The following FMNL2 variants were observed in gnomAD, a reference collection of about 807,000 sequenced individuals.
The protein encoded by FMNL2 is formin like 2, also known as formin-like protein 2.
Under a neutral mutation model 130.2 loss-of-function variants are expected in FMNL2, and 51 were observed. The observed-to-expected ratio is 0.39, with a 90% CI of 0.31 to 0.49. The LOEUF (loss-of-function observed/expected upper bound fraction) is 0.49, where lower values mean the gene tolerates loss of function less well. Ranked by LOEUF, FMNL2 falls within the 20% of genes least tolerant of loss-of-function variation. FMNL2 has a pLI of 0.85. For missense variants in FMNL2, 977 were observed against 1,316.2 expected, an observed-to-expected ratio of 0.74 and a Z score of 3.99; for synonymous variants, 465 against 467.1, an observed-to-expected ratio of 1.00 and a Z score of 0.06.
At chr2:152,567,187 C>T (rs961855213) in intron 6 of FMNL2, among the ~76,000 whole-genome samples, 2 of 152,018 alleles carry the variant, frequency 1.3e-5, no homozygotes, top group African/African-American at 4.8e-5. Flanking sequence ...TTAATTAGCC[C>T]CCCCAATAGC....
intron 1 of FMNL2, among the ~76,000 whole-genome samples, chr2:152,380,708 T>C (rs1401615263): frequency 1.3e-5 from 2 of 152,234 alleles, no homozygotes; most frequent in Non-Finnish European, 2.9e-5. Flanking sequence ...TTTGAATCAG[T>C]TGAGAAAACT....
intron 9 of FMNL2, among the ~76,000 whole-genome samples, chr2:152,587,921 A>C (rs1697175429): frequency 1.3e-5 from 2 of 152,236 alleles, no homozygotes. Flanking sequence ...TATAAAGGTA[A>C]TTGCAAGATG....
At chr2:152,540,864 G>T (rs990006350) in intron 2 of FMNL2, among the ~76,000 whole-genome samples, 47 of 152,116 alleles carry the variant, frequency 3.1e-4, no homozygotes, top group African/African-American at 1.1e-3. Flanking sequence ...ATAATAATAA[G>T]ATTATCTTTT....
At chr2:152,578,795 T>C in intron 7 of FMNL2, 93 bp from the exon 8 acceptor site, 1 of 901,920 alleles carries the variant, frequency 1.1e-6, no homozygotes, top group Non-Finnish European at 1.7e-6. Context: ...ATTAGGTAGA[T>C]ACTTCGGGTT....
At chr2:152,621,642 C>A (rs969281122) in intron 15 of FMNL2, among the ~76,000 whole-genome samples, 16 of 152,146 alleles carry the variant, frequency 1.1e-4, no homozygotes, top group Non-Finnish European at 1.9e-4. Context: ...ATTATAAGAT[C>A]CTTGTGAGTC....
chr2:152,552,416 T>C (rs1439454981), intron 4 of FMNL2, among the ~76,000 whole-genome samples: 1 of 152,108 alleles, frequency 6.6e-6, no homozygotes, highest in Non-Finnish European at 1.5e-5. Flanking sequence ...AAAGGAGGGA[T>C]TACATTTACA....
chr2:152,443,645 C>G (rs1191647294), intron 1 of FMNL2, among the ~76,000 whole-genome samples: 1 of 151,838 alleles, frequency 6.6e-6, no homozygotes, highest in Admixed American at 6.6e-5. Context: ...GAGTTCAAGA[C>G]CAGGCTAACC....
intron 7 of FMNL2, 25 bp downstream of exon 7, chr2:152,575,269 T>A (rs752904116): frequency 3.4e-5 from 50 of 1,469,628 alleles, no homozygotes; most frequent in Non-Finnish European, 3.4e-5. Flanking sequence ...CTGGTTCTTT[T>A]AAAAAAAACC....
chr2:152,408,325 T>C (rs1164294741), intron 1 of FMNL2, among the ~76,000 whole-genome samples: 1 of 151,642 alleles, frequency 6.6e-6, no homozygotes, highest in Non-Finnish European at 1.5e-5. Flanking sequence ...TGTGTCTTTG[T>C]CGTATTATGT....
chr2:152,606,234 G>A (rs907279010), intron 9 of FMNL2, among the ~76,000 whole-genome samples: 8 of 152,216 alleles, frequency 5.3e-5, no homozygotes, highest in Admixed American at 4.6e-4. Flanking sequence ...TTTAGCATGT[G>A]AAACCTGGAT....
intron 6 of FMNL2, among the ~76,000 whole-genome samples, chr2:152,565,456 A>C (rs1165986157): frequency 6.6e-6 from 1 of 152,168 alleles, no homozygotes; most frequent in African/African-American, 2.4e-5. Flanking sequence ...TTTGTGATGG[A>C]GGTGGAGAGC....
At chr2:152,550,479 G>A (rs1694874181) in intron 4 of FMNL2, among the ~76,000 whole-genome samples, 1 of 152,180 alleles carries the variant, frequency 6.6e-6, no homozygotes, top group African/African-American at 2.4e-5. Context: ...TACTTTTACA[G>A]ATTAAAAGAA....
chr2:152,593,892 TGTGTGTGTGTGAGAGA>T (rs1697601121), intron 9 of FMNL2, among the ~76,000 whole-genome samples: 3 of 113,254 alleles, frequency 2.6e-5, no homozygotes, highest in Admixed American at 9.2e-5. Flanking sequence ...TGTGTGTGTG[TGTGTGTGTGTGAGAGA>T]GAGAGAGAGA....
chr2:152,516,287 TTTATA>T (rs1692763846), intron 1 of FMNL2, among the ~76,000 whole-genome samples: 1 of 152,148 alleles, frequency 6.6e-6, no homozygotes, highest in Non-Finnish European at 1.5e-5. Context: ...TGAGGTAAAT[TTTATA>T]TTATGTTTTC....
chr2:152,579,202 T>C (rs1696640524), intron 8 of FMNL2, among the ~76,000 whole-genome samples: 1 of 152,202 alleles, frequency 6.6e-6, no homozygotes, highest in Non-Finnish European at 1.5e-5. Flanking sequence ...CAAGCTTTTG[T>C]TCTTTTGAGG....
chr2:152,388,870 CT>C (rs1684939543), intron 1 of FMNL2, among the ~76,000 whole-genome samples: 1 of 152,150 alleles, frequency 6.6e-6, no homozygotes, highest in South Asian at 2.1e-4. Flanking sequence ...TGACTGTCTA[CT>C]TTTTGTTTAT....
At chr2:152,511,587 T>C (rs74379721) in intron 1 of FMNL2, among the ~76,000 whole-genome samples, 2,051 of 152,334 alleles carry the variant, frequency 0.013, 42 homozygotes, top group African/African-American at 0.047. Flanking sequence ...AAACTTGAAC[T>C]CTTTTCCTCC....
chr2:152,376,943 A>G (rs80031606), intron 1 of FMNL2, among the ~76,000 whole-genome samples: 2,223 of 152,336 alleles, frequency 0.015, 22 homozygotes, highest in Non-Finnish European at 0.02. Context: ...GGATTAGAGG[A>G]CTGATAGAGA....
At chr2:152,478,381 G>T (rs553431316) in intron 1 of FMNL2, among the ~76,000 whole-genome samples, 256 of 151,346 alleles carry the variant, frequency 1.7e-3, no homozygotes, top group African/African-American at 5.9e-3. Flanking sequence ...GGGATTACAG[G>T]CACGCGCCAA....
Sources: allele counts gnomAD v4.1 joint callset (sites outside exome capture counted in the v4.1 genomes callset), GRCh38; gene constraint gnomAD v4.1.1; transcripts MANE v1.5; gene names NCBI Gene and HGNC (gene_info 2026-07-23, HGNC 2026-07-21).